Variants in RBFOX1 observed in about 807,000 individuals in gnomAD.
RBFOX1 encodes RNA binding protein fox-1 homolog 1.
A neutral mutation model predicts 57.7 loss-of-function variants in RBFOX1; 8 were observed. That is an observed-to-expected ratio of 0.14 (90% CI 0.08 to 0.25). The LOEUF is 0.25. Among genes scored for constraint, RBFOX1 ranks in the 10% least tolerant of loss-of-function variants. RBFOX1 has a pLI of 1.00. For synonymous variants in RBFOX1, 326 were observed against 222.4 expected, an observed-to-expected ratio of 1.47 and a Z score of -4.15; for missense variants, 611 against 548.5, an observed-to-expected ratio of 1.11 and a Z score of -1.14.
At chr16:7,332,457 T>G (rs1161141776) in intron 4 of RBFOX1, among the ~76,000 whole-genome samples, 1 of 152,232 alleles carries the variant, frequency 6.6e-6, no homozygotes, top group East Asian at 1.9e-4. Context: ...TTCTTATTTT[T>G]TTTCTATCAG....
chr16:6,275,474 G>A (rs752999108), intron 1 of RBFOX1, among the ~76,000 whole-genome samples: 4 of 152,136 alleles, frequency 2.6e-5, no homozygotes, highest in Admixed American at 6.5e-5. Flanking sequence ...TAACTACCCC[G>A]TGGAATAGTA....
intron 1 of RBFOX1, among the ~76,000 whole-genome samples, chr16:6,143,240 A>G (rs1400732795): frequency 6.6e-6 from 1 of 152,170 alleles, no homozygotes; most frequent in East Asian, 1.9e-4. Context: ...GTGGAATTGC[A>G]TGTTTCTATG....
intron 2 of RBFOX1, among the ~76,000 whole-genome samples, chr16:6,506,697 G>C (rs2096103868): frequency 8.3e-6 from 1 of 120,208 alleles, no homozygotes; most frequent in South Asian, 2.7e-4. Flanking sequence ...TCCCAGGCTG[G>C]AGTACAGTGG....
intron 1 of RBFOX1, chr16:6,090,076 A>G (rs888779047): frequency 1.3e-5 from 2 of 152,136 alleles, no homozygotes; most frequent in Admixed American, 6.5e-5. Context: ...TTTTATAGCC[A>G]CTAGAGGCCT....
intron 4 of RBFOX1, among the ~76,000 whole-genome samples, chr16:7,212,556 A>G (rs938564068): frequency 6.6e-6 from 1 of 152,066 alleles, no homozygotes; most frequent in Non-Finnish European, 1.5e-5. Flanking sequence ...GGGCACGAAC[A>G]TTTTTCCAAG....
intron 1 of RBFOX1, among the ~76,000 whole-genome samples, chr16:5,344,053 A>G (rs2065089694): frequency 6.6e-6 from 1 of 152,192 alleles, no homozygotes; most frequent in Non-Finnish European, 1.5e-5. Flanking sequence ...TGGGGTGCAA[A>G]TGTTTATATC....
chr16:6,978,136 G>A (rs773337037), intron 3 of RBFOX1, among the ~76,000 whole-genome samples: 1 of 152,014 alleles, frequency 6.6e-6, no homozygotes, highest in Non-Finnish European at 1.5e-5. Flanking sequence ...CAACAGCCGG[G>A]CATGATGCCC....
intron 3 of RBFOX1, among the ~76,000 whole-genome samples, chr16:6,726,485 G>A (rs1004666219): frequency 1.3e-5 from 2 of 151,586 alleles, no homozygotes; most frequent in East Asian, 1.9e-4. Context: ...AGTAGGTGAA[G>A]GTGGAACTAT....
intron 2 of RBFOX1, among the ~76,000 whole-genome samples, chr16:5,519,312 C>T (rs1320098350): frequency 1.3e-5 from 2 of 152,198 alleles, no homozygotes; most frequent in African/African-American, 2.4e-5. Flanking sequence ...TGTCCTGGGG[C>T]AGTACTTTTA....
intron 1 of RBFOX1, among the ~76,000 whole-genome samples, chr16:5,433,135 AG>A (rs2067805173): frequency 6.6e-6 from 1 of 152,288 alleles, no homozygotes; most frequent in Non-Finnish European, 1.5e-5. Context: ...ACTGTTTCTC[AG>A]CTTCCCAAAG....
chr16:5,348,171 T>C (rs1056455130), intron 1 of RBFOX1, among the ~76,000 whole-genome samples: 1 of 150,230 alleles, frequency 6.7e-6, no homozygotes, highest in African/African-American at 2.5e-5. Context: ...TCCACCTGTC[T>C]TTCCACTCAA....
At chr16:7,139,292 A>C (rs1261415844) in intron 4 of RBFOX1, among the ~76,000 whole-genome samples, 3 of 151,926 alleles carry the variant, frequency 2.0e-5, no homozygotes, top group African/African-American at 4.8e-5. Flanking sequence ...CCCCATGCAG[A>C]ACATCCAACA....
intron 1 of RBFOX1, among the ~76,000 whole-genome samples, chr16:5,276,163 T>C (rs1261188852): frequency 1.3e-5 from 2 of 152,026 alleles, no homozygotes; most frequent in African/African-American, 4.8e-5. Flanking sequence ...GCAAGTGCAA[T>C]GAAAACAAAG....
At chr16:6,779,785 TTTTA>T (rs1377753746) in intron 3 of RBFOX1, among the ~76,000 whole-genome samples, 2 of 4,158 alleles carry the variant, frequency 4.8e-4, no homozygotes, top group African/African-American at 2.1e-3. Context: ...TTATATATAT[TTTTA>T]TATATACTTT....
intron 1 of RBFOX1, among the ~76,000 whole-genome samples, chr16:5,456,453 C>A (rs1050547820): frequency 6.6e-6 from 1 of 152,110 alleles, no homozygotes; most frequent in Non-Finnish European, 1.5e-5. Flanking sequence ...TCTTGGTAGT[C>A]CCTGAGGGTC....
At chr16:7,082,634 CA>C (rs2059381337) in intron 4 of RBFOX1, among the ~76,000 whole-genome samples, 1 of 151,892 alleles carries the variant, frequency 6.6e-6, no homozygotes, top group South Asian at 2.1e-4. Flanking sequence ...AGTCATTTTT[CA>C]CATTTCGTTC....
intron 3 of RBFOX1, among the ~76,000 whole-genome samples, chr16:5,807,689 G>A (rs973172885): frequency 1.1e-4 from 17 of 152,212 alleles, no homozygotes; most frequent in African/African-American, 4.1e-4. Context: ...GAGAGAGGGA[G>A]TGTGGAAGGT....
chr16:6,568,947 A>AT (rs1330232903), intron 2 of RBFOX1, among the ~76,000 whole-genome samples: 1 of 151,924 alleles, frequency 6.6e-6, no homozygotes, highest in Non-Finnish European at 1.5e-5. Context: ...TGATTTTTCC[A>AT]TTTTTAGTAC....
chr16:7,340,350 G>T (rs1270205350), intron 4 of RBFOX1, among the ~76,000 whole-genome samples: 1 of 152,178 alleles, frequency 6.6e-6, no homozygotes, highest in Non-Finnish European at 1.5e-5. Flanking sequence ...CTGATCACTT[G>T]TTGCCATTGA....
Sources: gnomAD v4.1 joint callset for allele counts (sites outside exome capture counted in the v4.1 genomes callset) on GRCh38, gnomAD v4.1.1 for gene constraint, MANE v1.5 for transcripts, NCBI Gene and HGNC (gene_info 2026-07-23, HGNC 2026-07-21) for gene names.